The following ELP1 variants were observed in gnomAD, a reference collection of about 807,000 sequenced individuals.
ELP1 encodes the protein elongator complex protein 1.
A neutral mutation model predicts 183.2 loss-of-function variants in ELP1; 131 were observed. That is an observed-to-expected ratio of 0.72 (90% CI 0.62 to 0.83). ELP1 has a LOEUF of 0.83. Among genes scored for constraint, ELP1 ranks in the 40% least tolerant of loss-of-function variants. The probability of loss-of-function intolerance (pLI) is 0.00; values close to 1 mark genes in which losing one functional copy is unlikely to be tolerated. For synonymous variants in ELP1, 555 were observed against 569.0 expected (o/e 0.98, Z 0.35); for missense variants, 1,550 against 1,594.9 (o/e 0.97, Z 0.48).
chr9:108,901,843 G>C (rs1425761444), intron 16 of ELP1, among the ~76,000 whole-genome samples, 162 bp from the exon 17 acceptor site: 1 of 152,120 alleles, frequency 6.6e-6, no homozygotes, highest in Non-Finnish European at 1.5e-5. Context: ...GTGCAAAATG[G>C]AATGTGAAGC....
chr9:108,927,572 G>C (rs1829860491), intron 3 of ELP1, 119 bp from the exon 4 acceptor site: 2 of 782,678 alleles, frequency 2.6e-6, no homozygotes, highest in Middle Eastern at 2.3e-4. Context: ...ATATGGAAGA[G>C]ATATCTGCAC....
intron 29 of ELP1, among the ~76,000 whole-genome samples, chr9:108,885,261 A>G (rs1169033160): frequency 3.3e-5 from 5 of 152,122 alleles, no homozygotes; most frequent in Admixed American, 6.5e-5. Context: ...TAAGATCAAT[A>G]AAATTGATAA....
chr9:108,898,867 G>T, intron 20 of ELP1, 118 bp from the exon 21 acceptor site: 1 of 718,644 alleles, frequency 1.4e-6, no homozygotes, highest in Non-Finnish European at 2.5e-6. Context: ...CCAATGCCAA[G>T]CTGCTATCAC....
intron 34 of ELP1, 126 bp from the exon 35 acceptor site, chr9:108,878,275 T>C (rs1811121917): frequency 1.3e-6 from 1 of 789,584 alleles, no homozygotes; most frequent in Admixed American, 2.4e-5. Context: ...TCCCACATTA[T>C]CTTTTTTCTT....
At chr9:108,902,063 T>G (rs1056640881) in intron 16 of ELP1, among the ~76,000 whole-genome samples, 5 of 152,272 alleles carry the variant, frequency 3.3e-5, no homozygotes, top group Admixed American at 3.3e-4. Flanking sequence ...TCACAAGAAG[T>G]TTCTAATCTT....
intron 4 of ELP1, among the ~76,000 whole-genome samples, chr9:108,926,957 G>A (rs1829841714): frequency 6.6e-6 from 1 of 152,102 alleles, no homozygotes; most frequent in South Asian, 2.1e-4. Context: ...GAGACTTAAA[G>A]GGGAAAAACA....
At chr9:108,911,229 G>T (rs1587907592) in intron 11 of ELP1, 49 bp from the exon 12 acceptor site, 6 of 1,555,702 alleles carry the variant, frequency 3.9e-6, no homozygotes, top group Middle Eastern at 1.7e-4. Flanking sequence ...TATTCAATTT[G>T]TAAGATAAGC....
chr9:108,918,622 T>A lies in ELP1; in HGVS notation c.740+189A>T, dbSNP rs73526118. On this transcript the variant is annotated intron_variant, in intron 8 of 36. Coordinates refer to ENST00000374647, the MANE Select transcript of ELP1 (RefSeq NM_003640.5). ...AGAAGCGTAAAATCTACTATTCGAG[T>A]TGAATTCAGACTTCAGGGAATAAGA... Among the ~76,000 whole-genome samples, 1,182 of 151,386 alleles carry A rather than the reference T, an allele frequency of 7.8e-3. 27 individuals carry two copies. Among genetic ancestry groups the A allele is most frequent in the African/African-American group, 0.027 (1,126 of 41,384 alleles).
chr9:108,904,126 C>T (rs1828927638), intron 14 of ELP1, among the ~76,000 whole-genome samples: 1 of 152,162 alleles, frequency 6.6e-6, no homozygotes. Context: ...CACTCAATAT[C>T]TCTATCACTA....
At chr9:108,872,552 C>T (rs1177153869) in intron 36 of ELP1, among the ~76,000 whole-genome samples, 4 of 152,060 alleles carry the variant, frequency 2.6e-5, no homozygotes, top group African/African-American at 7.2e-5. Context: ...CGCTTGTAAT[C>T]CCAGCACTTT....
At chr9:108,898,042 T>C (rs1828623158) in intron 22 of ELP1, among the ~76,000 whole-genome samples, 1 of 152,212 alleles carries the variant, frequency 6.6e-6, no homozygotes, top group East Asian at 1.9e-4. Context: ...ACAAACAAGA[T>C]GAATGATGGA....
chr9:108,881,871 T>G (rs751881953), intron 30 of ELP1, 106 bp from the exon 31 acceptor site: 1 of 801,870 alleles, frequency 1.2e-6, no homozygotes, highest in Non-Finnish European at 2.1e-6. Flanking sequence ...CAGAATATTT[T>G]CCTGAAAAAC....
At chr9:108,886,900 TAA>T (rs34080947) in intron 29 of ELP1, among the ~76,000 whole-genome samples, 192 of 135,980 alleles carry the variant, frequency 1.4e-3, no homozygotes, top group East Asian at 2.1e-3. Flanking sequence ...TAGAGAGCAT[TAA>T]AAAAAAAAAA....
chr9:108,893,808 G>A, intron 26 of ELP1, 135 bp downstream of exon 26: 1 of 927,612 alleles, frequency 1.1e-6, no homozygotes, highest in Non-Finnish European at 1.7e-6. Flanking sequence ...AATAACGTGA[G>A]CATACATAAT....
At chr9:108,869,454 G>A (rs538556702) in intron 36 of ELP1, among the ~76,000 whole-genome samples, 13 of 152,240 alleles carry the variant, frequency 8.5e-5, no homozygotes, top group South Asian at 4.1e-4. Context: ...TCAAACTGGT[G>A]GGAGGGGTGG....
intron 35 of ELP1, among the ~76,000 whole-genome samples, chr9:108,877,715 T>C (rs867213455): frequency 3.9e-5 from 6 of 152,166 alleles, no homozygotes; most frequent in South Asian, 2.1e-4. Context: ...TCCAACCTCA[T>C]TGAAGGCCAG....
rs1442136727 is a variant in ELP1 at position 108,894,023 on chromosome 9, A to G, written c.2780T>C (p.Met927Thr). The change falls in exon 26 of 37, where the codon ATG becomes ACG. Residue 927 changes from methionine to threonine, a missense_variant. Transcript: ENST00000374647. ...AGTAAACCGCTGATAATTAGTTTCC[A>G]TTTTCTTAAGTGTATTAAGAAATGG... is the stretch of plus-strand genomic sequence containing the variant. ...YLPFLNTLKK[M>T]ETNYQRFTID... The G allele has an allele frequency of 6.3e-7, 1 of 1,581,990 alleles. No individual in the cohort carries two copies. Among genetic ancestry groups the G allele is most frequent in the East Asian group, 2.2e-5 (1 of 44,676 alleles).
At chr9:108,881,106 T>A (rs1247264327) in intron 31 of ELP1, among the ~76,000 whole-genome samples, 1 of 152,206 alleles carries the variant, frequency 6.6e-6, no homozygotes, top group Non-Finnish European at 1.5e-5. Flanking sequence ...AACCACAAAC[T>A]TCATTTGAAA....
Position 108,900,384 on chromosome 9 carries a change from AC to A in ELP1, c.2015-10del. On this transcript the variant is annotated splice_polypyrimidine_tract_variant and intron_variant, in intron 18 of 36. Transcript: ENST00000374647. Reference sequence around the variant, plus strand: ...CAGGCCGGCCTGTAATGCTAAACACACCATTAACTAATAAGCCTTAATTATC... The same window carrying A: ...CAGGCCGGCCTGTAATGCTAAACACACATTAACTAATAAGCCTTAATTATC... The A allele has an allele frequency of 6.3e-7, 1 of 1,587,214 alleles. No individual in the cohort carries two copies. The highest frequency in any genetic ancestry group is 8.7e-7 in the Non-Finnish European group (1 of 1,155,672).
Sources: gnomAD v4.1 joint callset for allele counts (sites outside exome capture counted in the v4.1 genomes callset) on GRCh38, gnomAD v4.1.1 for gene constraint, MANE v1.5 for transcripts, NCBI Gene and HGNC (gene_info 2026-07-23, HGNC 2026-07-21) for gene names.